Variants in SLC2A9 observed in about 807,000 individuals in gnomAD.
The protein encoded by SLC2A9 is solute carrier family 2 member 9, also known as solute carrier family 2, facilitated glucose transporter member 9.
Under a neutral mutation model 50.6 loss-of-function variants are expected in SLC2A9, and 39 were observed. The observed-to-expected ratio is 0.77, with a 90% CI of 0.60 to 1.01. The LOEUF (loss-of-function observed/expected upper bound fraction) is 1.01. Ranked by LOEUF, SLC2A9 falls within the 50% of genes least tolerant of loss-of-function variation. The pLI, the probability that SLC2A9 is intolerant of heterozygous loss-of-function variation, is 0.00. For synonymous variants in SLC2A9, 324 were observed against 276.9 expected, an observed-to-expected ratio of 1.17 and a Z score of -1.69; for missense variants, 686 against 677.6, an observed-to-expected ratio of 1.01 and a Z score of -0.14.
At chr4:10,011,603 C>T (rs1761773481) in intron 2 of SLC2A9, among the ~76,000 whole-genome samples, 1 of 152,202 alleles carries the variant, frequency 6.6e-6, no homozygotes, top group African/African-American at 2.4e-5. Flanking sequence ...ATTCAGGCTA[C>T]ATTTGATTGG....
intron 1 of SLC2A9, chr4:9,771,476 C>A (rs1577221775): frequency 2.5e-6 from 1 of 398,862 alleles, no homozygotes; most frequent in Non-Finnish European, 4.4e-6. Context: ...TCAGCCAGTA[C>A]CCAACACAAC....
At chr4:9,869,822 T>C (rs927635822) in intron 10 of SLC2A9, among the ~76,000 whole-genome samples, 2 of 152,234 alleles carry the variant, frequency 1.3e-5, no homozygotes, top group Admixed American at 6.5e-5. Context: ...CAGATGCTTA[T>C]CTCTAGTCCA....
intron 2 of SLC2A9, among the ~76,000 whole-genome samples, chr4:10,010,339 C>T (rs1761552949): frequency 1.3e-5 from 2 of 152,214 alleles, no homozygotes; most frequent in Admixed American, 1.3e-4. Context: ...TGATTCGTAT[C>T]CTTTTTGCTA....
At position 10,019,067 on chromosome 4, in the gene SLC2A9, A is replaced by G; in HGVS notation, c.157T>C (p.Ser53Pro). ...AGGGAGGCCACGAGGAGCGAGCAGG[A>G]CCAGTCCTGAGGGGAGAGGAAACCA... is the stretch of plus-strand genomic sequence containing the variant. ...VPGGRRRKDW[S>P]CSLLVASLAG... Residue 53 changes from serine (S) to proline (P), a missense_variant, in exon 2 of 12, where the codon TCC (serine) becomes CCC (proline). Physicochemically the swap from Ser to Pro is moderately conservative, Grantham distance 74. Coordinates refer to ENST00000264784, the MANE Select transcript of SLC2A9 (RefSeq NM_020041.3). 6.4e-7 allele frequency: 1 copy of G among 1,551,178 alleles called. No individual in the cohort carries two copies. The highest frequency in any genetic ancestry group is 8.7e-7 in the Non-Finnish European group (1 of 1,146,948).
At chr4:9,964,916 C>A (rs145375160) in intron 5 of SLC2A9, among the ~76,000 whole-genome samples, 1 of 152,200 alleles carries the variant, frequency 6.6e-6, no homozygotes, top group African/African-American at 2.4e-5. Flanking sequence ...CACTGCCTCC[C>A]TGCTGCAGAC....
intron 1 of SLC2A9, chr4:10,019,365 C>T: frequency 1.2e-5 from 6 of 504,106 alleles, no homozygotes; most frequent in African/African-American, 1.9e-5. Context: ...CTCTGGGCAG[C>T]TCCACACGAT....
intron 10 of SLC2A9, among the ~76,000 whole-genome samples, chr4:9,883,132 T>TACAC (rs56300042): frequency 0.015 from 2,300 of 149,536 alleles, 22 homozygotes; most frequent in African/African-American, 0.031. Context: ...GCAAGCTATC[T>TACAC]ACACACACAC....
chr4:10,002,924 G>T (rs74377900), intron 2 of SLC2A9, among the ~76,000 whole-genome samples: 1 of 152,142 alleles, frequency 6.6e-6, no homozygotes, highest in Non-Finnish European at 1.5e-5. Context: ...CCGTCAGACC[G>T]TGGTGAATAC....
At chr4:9,809,851 TC>T (rs1330291724) in intron 3 of SLC2A9, among the ~76,000 whole-genome samples, 4 of 150,542 alleles carry the variant, frequency 2.7e-5, no homozygotes, top group Non-Finnish European at 5.9e-5. Flanking sequence ...AGTTTTCTTT[TC>T]TTTTTTTTTT....
intron 5 of SLC2A9, among the ~76,000 whole-genome samples, chr4:9,946,278 C>T (rs1749139290): frequency 6.6e-6 from 1 of 152,104 alleles, no homozygotes; most frequent in African/African-American, 2.4e-5. Flanking sequence ...CTGCAGGTTT[C>T]CATGTTTTAA....
rs1418713574 is a variant in SLC2A9, at chr4:9,881,081, G to GGA, written c.1291+6485_1291+6486insTC. On this transcript the variant is annotated intron_variant, in intron 10 of 11. Transcript: ENST00000264784. ...TGCACTCCGGGGAGTGGTTCCTGAC[G>GGA]AGCACTTAGCTGTCATCAGATGAGG... Among the ~76,000 whole-genome samples, 4 of 152,192 alleles carry GGA rather than the reference G, an allele frequency of 2.6e-5. No individual in the cohort carries two copies. In the East Asian group the frequency reaches 7.7e-4, roughly 29 times the overall value.
In SLC2A9 at chr4:9,920,592, T is replaced by C. The variant is rs201811170; in HGVS notation, c.815-20A>G. ...GGAAGGCTGCAAACAGAGGCACACA[T>C]GGACTTTCAGCAGGGATTAGAGTGT... On this transcript the variant is annotated intron_variant, in intron 6 of 11. Transcript: ENST00000264784. 36 of 1,613,978 alleles carry C rather than the reference T, an allele frequency of 2.2e-5. No individual in the cohort carries two copies. In the East Asian group the frequency reaches 6.2e-4, roughly 28 times the overall value.
chr4:9,793,595 A>G (rs1240458746), intron 3 of SLC2A9, among the ~76,000 whole-genome samples: 6 of 152,196 alleles, frequency 3.9e-5, no homozygotes, highest in South Asian at 2.1e-4. Flanking sequence ...TTGATTTTCT[A>G]TTGAAAGAAG....
At chr4:9,916,594 C>G (rs930777739) in intron 7 of SLC2A9, among the ~76,000 whole-genome samples, 4 of 152,164 alleles carry the variant, frequency 2.6e-5, no homozygotes, top group African/African-American at 9.7e-5. Context: ...TCCACAGATT[C>G]CTCACAGCAG....
intron 6 of SLC2A9, among the ~76,000 whole-genome samples, chr4:9,925,985 G>A (rs140151357): frequency 6.6e-6 from 1 of 152,092 alleles, no homozygotes; most frequent in Admixed American, 6.5e-5. Flanking sequence ...TGCATCTGGG[G>A]GTGGCCCACA....
intron 10 of SLC2A9, among the ~76,000 whole-genome samples, chr4:9,844,339 T>G (rs1728607189): frequency 6.6e-6 from 1 of 152,082 alleles, no homozygotes; most frequent in East Asian, 1.9e-4. Context: ...AGAAAATACG[T>G]GCTGATTAAT....
chr4:9,891,820 T>A (rs1031426002), intron 8 of SLC2A9, among the ~76,000 whole-genome samples: 1 of 151,948 alleles, frequency 6.6e-6, no homozygotes, highest in African/African-American at 2.4e-5. Context: ...GGGGAAAAGG[T>A]TTTGGGGCTG....
At chr4:9,775,331 G>C (rs968209560), downstream of SLC2A9, among the ~76,000 whole-genome samples, 18 of 152,186 alleles carry the variant, frequency 1.2e-4, no homozygotes, top group Non-Finnish European at 2.4e-4. Context: ...CCTCATGGCT[G>C]AGCCTCAGCC....
intron 10 of SLC2A9, among the ~76,000 whole-genome samples, chr4:9,845,525 GT>G (rs1430502798): frequency 1.4e-5 from 2 of 146,746 alleles, no homozygotes; most frequent in Non-Finnish European, 3.0e-5. Flanking sequence ...CGCCTCCCGG[GT>G]TCACGCCATT....
Sources: allele counts gnomAD v4.1 joint callset (sites outside exome capture counted in the v4.1 genomes callset), GRCh38; gene constraint gnomAD v4.1.1; transcripts MANE v1.5; gene names NCBI Gene and HGNC (gene_info 2026-07-23, HGNC 2026-07-21).